SDK1: variants seen among roughly 807,000 people sequenced by gnomAD.
SDK1 encodes sidekick cell adhesion molecule 1, also known as protein sidekick-1.
A neutral mutation model predicts 245.5 loss-of-function variants in SDK1; 157 were observed. The observed-to-expected ratio is 0.64, with a 90% CI of 0.56 to 0.73. SDK1 has a LOEUF of 0.73. Ranked by LOEUF, SDK1 falls within the 30% of genes least tolerant of loss-of-function variation. SDK1 has a pLI of 0.00. For synonymous variants in SDK1, 1,647 were observed against 1,278.5 expected (o/e 1.29, Z -6.15); for missense variants, 3,583 against 3,002.3 (o/e 1.19, Z -4.52).
chr7:3,836,023 A>G (rs1428797425), intron 5 of SDK1, among the ~76,000 whole-genome samples: 1 of 152,252 alleles, frequency 6.6e-6, no homozygotes, highest in African/African-American at 2.4e-5. Flanking sequence ...ATAGGCTTAT[A>G]TAGAGAAAAT....
At chr7:4,029,089 C>T (rs1787584593) in intron 17 of SDK1, among the ~76,000 whole-genome samples, 1 of 102,710 alleles carries the variant, frequency 9.7e-6, no homozygotes, top group East Asian at 2.8e-4. Flanking sequence ...ATTGATAGAC[C>T]TTTTCCGAGG....
chr7:3,444,199 G>T lies in SDK1; in HGVS notation c.298+142315G>T, dbSNP rs1780278629. Among the ~76,000 whole-genome samples, 6 of 152,130 alleles carry T rather than the reference G, an allele frequency of 3.9e-5. 1 individual carries two copies. In the South Asian group the frequency reaches 1.2e-3, roughly 32 times the overall value. ...TTTGCTACCTCCTGAGCCCAAGTCT[G>T]CCAGCTGTTGGCCTTCTTCTTTGGG... On this transcript the variant is annotated intron_variant, in intron 1 of 44. Transcript: ENST00000404826.
intron 1 of SDK1, among the ~76,000 whole-genome samples, chr7:3,577,030 C>G (rs1377754218): frequency 1.3e-5 from 2 of 151,974 alleles, no homozygotes; most frequent in Non-Finnish European, 2.9e-5. Context: ...TGGCCACCCC[C>G]TGACATGACT....
At chr7:3,764,294 G>T (rs978678658) in intron 4 of SDK1, among the ~76,000 whole-genome samples, 1 of 152,006 alleles carries the variant, frequency 6.6e-6, no homozygotes, top group African/African-American at 2.4e-5. Flanking sequence ...GATCTAAGGC[G>T]GTATTCTCCA....
chr7:4,135,576 T>G (rs1291930242), intron 28 of SDK1, among the ~76,000 whole-genome samples: 1 of 152,226 alleles, frequency 6.6e-6, no homozygotes, highest in Non-Finnish European at 1.5e-5. Context: ...CACGGACAAG[T>G]AGGCCGGCAG....
intron 4 of SDK1, among the ~76,000 whole-genome samples, chr7:3,820,569 T>C (rs1435874620): frequency 1.3e-5 from 2 of 152,234 alleles, no homozygotes; most frequent in African/African-American, 4.8e-5. Flanking sequence ...CTTGGATGAA[T>C]GGAAGTTGTG....
At chr7:3,828,770 G>T (rs1243134789) in intron 5 of SDK1, among the ~76,000 whole-genome samples, 3 of 149,078 alleles carry the variant, frequency 2.0e-5, no homozygotes, top group African/African-American at 7.4e-5. Context: ...TGCTGCCTCA[G>T]CCTTTTGAGT....
At chr7:3,412,412 C>T (rs956250882) in intron 1 of SDK1, among the ~76,000 whole-genome samples, 6 of 152,220 alleles carry the variant, frequency 3.9e-5, no homozygotes, top group African/African-American at 1.2e-4. Context: ...AGCTGACTCT[C>T]AAGCAGTTTG....
chr7:3,418,148 A>C (rs1304032586), intron 1 of SDK1, among the ~76,000 whole-genome samples: 4 of 54,362 alleles, frequency 7.4e-5, no homozygotes, highest in African/African-American at 1.5e-4. Context: ...TAAAAATGAA[A>C]AAAAAAAAAA....
intron 30 of SDK1, among the ~76,000 whole-genome samples, chr7:4,154,310 T>C (rs887282834): frequency 3.3e-5 from 5 of 152,230 alleles, no homozygotes; most frequent in African/African-American, 4.8e-5. Flanking sequence ...AGAGTTCTGA[T>C]AGCAAGTTCA....
At chr7:3,557,314 C>T (rs1025941355) in intron 1 of SDK1, among the ~76,000 whole-genome samples, 15 of 152,194 alleles carry the variant, frequency 9.9e-5, no homozygotes, top group African/African-American at 3.6e-4. Context: ...CAAGATTACA[C>T]TCACACATTT....
chr7:3,591,137 G>C (rs1339342230), intron 1 of SDK1, among the ~76,000 whole-genome samples: 1 of 152,156 alleles, frequency 6.6e-6, no homozygotes, highest in Admixed American at 6.5e-5. Flanking sequence ...TTAAGGTTGT[G>C]ATACTCTGAT....
intron 4 of SDK1, among the ~76,000 whole-genome samples, chr7:3,686,375 CA>C (rs1178476361): frequency 6.6e-6 from 1 of 152,164 alleles, no homozygotes; most frequent in Non-Finnish European, 1.5e-5. Flanking sequence ...CATGCCTGGC[CA>C]AGGCAAACGT....
At chr7:3,651,384 A>G (rs1369230228) in intron 4 of SDK1, among the ~76,000 whole-genome samples, 1 of 152,246 alleles carries the variant, frequency 6.6e-6, no homozygotes, top group Non-Finnish European at 1.5e-5. Flanking sequence ...GAAATTAGAA[A>G]AAAGCAAACT....
chr7:3,526,821 T>C lies in SDK1; in HGVS notation c.299-92259T>C, dbSNP rs568034977. Among the ~76,000 whole-genome samples the C allele has an allele frequency of 5.3e-5, 8 of 152,262 alleles. No individual in the cohort carries two copies. In the East Asian group the frequency reaches 1.2e-3, roughly 22 times the overall value. On this transcript the variant is annotated intron_variant, in intron 1 of 44. Transcript: ENST00000404826. ...CTGATGCATATACAAACCACTAGAG[T>C]ATGCATTTTTGAATCTTATATATAT...
chr7:3,676,219 A>G (rs1012510257), intron 4 of SDK1, among the ~76,000 whole-genome samples: 10 of 150,720 alleles, frequency 6.6e-5, no homozygotes, highest in Admixed American at 4.6e-4. Flanking sequence ...GGGTCTCACT[A>G]TGTTGCCCAG....
intron 2 of SDK1, among the ~76,000 whole-genome samples, chr7:3,626,967 G>A (rs944641823): frequency 2.0e-5 from 3 of 151,148 alleles, no homozygotes; most frequent in African/African-American, 7.3e-5. Context: ...TTGCTTTGTT[G>A]CCCACGCTGG....
At chr7:3,463,522 TTGA>T (rs1583894504) in intron 1 of SDK1, among the ~76,000 whole-genome samples, 1 of 133,374 alleles carries the variant, frequency 7.5e-6, no homozygotes, top group African/African-American at 3.6e-5. Context: ...AATAATATAA[TTGA>T]ATGAAAAGTG....
At chr7:4,216,694 G>T (rs778941324) in intron 38 of SDK1, among the ~76,000 whole-genome samples, 1 of 152,186 alleles carries the variant, frequency 6.6e-6, no homozygotes, top group East Asian at 1.9e-4. Flanking sequence ...TAGGGGATCT[G>T]TGGGGTCTTC....
Sources: allele counts gnomAD v4.1 joint callset (sites outside exome capture counted in the v4.1 genomes callset), GRCh38; gene constraint gnomAD v4.1.1; transcripts MANE v1.5; gene names NCBI Gene and HGNC (gene_info 2026-07-23, HGNC 2026-07-21).